The following VPS36 variants were observed in gnomAD, a reference collection of about 807,000 sequenced individuals.
VPS36 encodes the protein vacuolar protein sorting 36 homolog, also known as vacuolar protein-sorting-associated protein 36.
Under a neutral mutation model 63.5 loss-of-function variants are expected in VPS36, and 31 were observed. The observed-to-expected ratio is 0.49, with a 90% CI of 0.37 to 0.66. The LOEUF (loss-of-function observed/expected upper bound fraction) is 0.66, where lower values mean the gene tolerates loss of function less well. VPS36 is among the 30% of genes least tolerant of loss of function. The probability of loss-of-function intolerance (pLI) is 0.00; values close to 1 mark genes in which losing one functional copy is unlikely to be tolerated. For missense variants in VPS36, 338 were observed against 463.7 expected (o/e 0.73, Z 2.49); for synonymous variants, 138 against 157.2 (o/e 0.88, Z 0.91).
At chr13:52,436,974 A>G (rs1206141803) in intron 3 of VPS36, among the ~76,000 whole-genome samples, 2 of 152,040 alleles carry the variant, frequency 1.3e-5, no homozygotes, top group South Asian at 2.1e-4. Flanking sequence ...ACAAACTACC[A>G]TTATCTTTAT....
chr13:52,422,534 T>A (rs1958056887), intron 10 of VPS36, among the ~76,000 whole-genome samples: 1 of 152,188 alleles, frequency 6.6e-6, no homozygotes, highest in Non-Finnish European at 1.5e-5. Context: ...AGTTATCTGT[T>A]TTGCTCCTCT....
At chr13:52,419,722 A>G (rs1157762374) in intron 10 of VPS36, among the ~76,000 whole-genome samples, 2 of 152,258 alleles carry the variant, frequency 1.3e-5, no homozygotes, top group Non-Finnish European at 2.9e-5. Context: ...TATTCACAAC[A>G]GTCAACATCA....
intron 1 of VPS36, among the ~76,000 whole-genome samples, chr13:52,447,713 C>G (rs1958359608): frequency 6.6e-6 from 1 of 152,114 alleles, no homozygotes; most frequent in Non-Finnish European, 1.5e-5. Context: ...CTCAGTTCCC[C>G]ATCTTTGGGA....
At chr13:52,450,185 T>C (rs1358056443) in intron 1 of VPS36, 1 of 1,025,514 alleles carries the variant, frequency 9.8e-7, no homozygotes, top group African/African-American at 1.7e-5. Flanking sequence ...GAGCGCTCCT[T>C]CTCCCGGGCA....
intron 2 of VPS36, among the ~76,000 whole-genome samples, chr13:52,442,122 A>G (rs573806727): frequency 2.7e-4 from 41 of 152,368 alleles, no homozygotes; most frequent in Middle Eastern, 3.4e-3. Flanking sequence ...TTTGTCATTC[A>G]GAAAAGTAAA....
intron 9 of VPS36, 113 bp from the exon 10 acceptor site, chr13:52,423,752 A>C: frequency 2.1e-6 from 2 of 954,564 alleles, no homozygotes; most frequent in Non-Finnish European, 3.1e-6. Context: ...ATTTTTAAGA[A>C]GCTTATAAAA....
intron 1 of VPS36, among the ~76,000 whole-genome samples, chr13:52,443,738 T>C (rs1594124367): frequency 6.6e-6 from 1 of 152,116 alleles, no homozygotes; most frequent in East Asian, 1.9e-4. Context: ...TACAATACAA[T>C]CACAAAGAAA....
At chr13:52,444,877 C>A (rs1310641375) in intron 1 of VPS36, among the ~76,000 whole-genome samples, 1 of 152,046 alleles carries the variant, frequency 6.6e-6, no homozygotes, top group Admixed American at 6.6e-5. Context: ...TCATGTAACT[C>A]TGAACTATAT....
chr13:52,450,405 C>T (rs1594128090), intron 1 of VPS36, 94 bp downstream of exon 1: 3 of 1,351,288 alleles, frequency 2.2e-6, no homozygotes, highest in Non-Finnish European at 2.9e-6. Context: ...AGCCGGGGAC[C>T]GGGCCGCGCC....
intron 9 of VPS36, among the ~76,000 whole-genome samples, chr13:52,425,252 CAAAAAAAAAAAA>C (rs748988364): frequency 1.5e-5 from 1 of 67,352 alleles, no homozygotes; most frequent in Non-Finnish European, 3.1e-5. Context: ...GACTCCGCCT[CAAAAAAAAAAAA>C]AAAAAAGAAA....
chr13:52,421,330 G>A (rs1342778737), intron 10 of VPS36, among the ~76,000 whole-genome samples: 1 of 152,028 alleles, frequency 6.6e-6, no homozygotes, highest in Non-Finnish European at 1.5e-5. Context: ...TGATCTCATA[G>A]AAGTAGAGAG....
intron 3 of VPS36, 39 bp downstream of exon 3, chr13:52,439,059 G>C: frequency 6.3e-7 from 1 of 1,582,256 alleles, no homozygotes; most frequent in Non-Finnish European, 8.6e-7. Context: ...AACAGGAAAT[G>C]TTTTCTGTGA....
At chr13:52,442,578 A>G in intron 1 of VPS36, 133 bp from the exon 2 acceptor site, 1 of 732,848 alleles carries the variant, frequency 1.4e-6, no homozygotes, top group Non-Finnish European at 2.1e-6. Flanking sequence ...GGCTTATCAC[A>G]AATTAAAGAG....
intron 5 of VPS36, 78 bp from the exon 6 acceptor site, chr13:52,433,826 G>C: frequency 1.5e-6 from 2 of 1,313,800 alleles, no homozygotes; most frequent in African/African-American, 3.0e-5. Flanking sequence ...ACCACATTGT[G>C]TTTTCAATGG....
Position 52,425,958 on chromosome 13 carries a change from C to A in VPS36, c.748G>T (p.Ala250Ser). 1.2e-6 allele frequency: 2 copies of A among 1,613,716 alleles called. No homozygotes were observed. Among genetic ancestry groups the A allele is most frequent in the South Asian group, 2.2e-5 (2 of 90,970 alleles). Residue 250 changes from alanine (A) to serine (S), a missense_variant, in exon 9 of 14, where the codon GCT (alanine) becomes TCT (serine). Physicochemically the swap from Ala to Ser is moderately conservative, Grantham distance 99. Transcript: ENST00000378060. ...TCTAAAGGCACCTGCAATATTCCAGCCAGTTGTTTGGCCAGCTGCATGTGG... is the reference window on the plus strand; with the variant it reads ...TCTAAAGGCACCTGCAATATTCCAGACAGTTGTTTGGCCAGCTGCATGTGG... ...QYHMQLAKQL[A>S]GILQVPLEER...
intron 3 of VPS36, among the ~76,000 whole-genome samples, chr13:52,437,929 C>CAAAAA: frequency 7.9e-6 from 1 of 127,008 alleles, no homozygotes; most frequent in South Asian, 2.4e-4. Context: ...GACGCTGCCT[C>CAAAAA]AAAAAAAAAA....
At chr13:52,427,658 C>T (rs1039708979) in intron 6 of VPS36, among the ~76,000 whole-genome samples, 3 of 151,710 alleles carry the variant, frequency 2.0e-5, no homozygotes, top group Non-Finnish European at 2.9e-5. Flanking sequence ...TTGTTAATAA[C>T]TATTTATATA....
chr13:52,446,637 G>A (rs1958346447), intron 1 of VPS36, among the ~76,000 whole-genome samples: 1 of 151,078 alleles, frequency 6.6e-6, no homozygotes, highest in Non-Finnish European at 1.5e-5. Context: ...CATTTTTTCT[G>A]TTATAAAAGT....
chr13:52,417,862 T>C (rs1327815939), intron 11 of VPS36, 130 bp downstream of exon 11: 10 of 704,580 alleles, frequency 1.4e-5, no homozygotes, highest in South Asian at 8.5e-5. Context: ...CTGATAAACA[T>C]GAAATAATAT....
Sources: allele counts gnomAD v4.1 joint callset (sites outside exome capture counted in the v4.1 genomes callset), GRCh38; gene constraint gnomAD v4.1.1; transcripts MANE v1.5; gene names NCBI Gene and HGNC (gene_info 2026-07-23, HGNC 2026-07-21).